TRIR: variants seen among roughly 807,000 people sequenced by gnomAD.
TRIR encodes the protein telomerase RNA component interacting RNase, also known as telomerase RNA component-interacting RNase.
Under a neutral mutation model 18.2 loss-of-function variants are expected in TRIR, and 5 were observed. The ratio of observed to expected loss-of-function variants is 0.27; its 90% confidence interval spans 0.14 to 0.58. The LOEUF (loss-of-function observed/expected upper bound fraction) is 0.58. Among genes scored for constraint, TRIR ranks in the 20% least tolerant of loss-of-function variants. The pLI is 0.91. For synonymous variants in TRIR, 134 were observed against 114.4 expected (o/e 1.17, Z -1.10); for missense variants, 206 against 252.8 (o/e 0.81, Z 1.25).
chr19:12,731,088 G>T lies in TRIR; in HGVS notation c.424-20C>A. 6.3e-7 allele frequency: 1 copy of T among 1,599,344 alleles called. No individual in the cohort carries two copies. Among genetic ancestry groups the T allele is most frequent in the Non-Finnish European group, 8.6e-7 (1 of 1,166,942 alleles). ...TAATACCTGTGGAAAGGGGATACGG[G>T]TTAGGACGGGGGTGCCAGGAACCAG... On this transcript the variant is annotated intron_variant, in intron 2 of 2. Transcript: ENST00000242784. This position sits in a 1 kb window ranked among gnomAD's most constrained non-coding sequence, Gnocchi z 5.1.
Position 12,734,203 on chromosome 19 carries a change from C to G in TRIR, c.345+110G>C. ...CCCTCAGCGGGTGACCCGGACGGGC[C>G]CCTCATTCAGAACGGAAAGTGGACT... is the stretch of plus-strand genomic sequence containing the variant. On this transcript the variant is annotated intron_variant, in intron 1 of 2. Transcript: ENST00000242784. This position sits in a 1 kb window ranked among gnomAD's most constrained non-coding sequence, Gnocchi z 4.1. The G allele has an allele frequency of 9.0e-7, 1 of 1,113,788 alleles. No homozygotes were observed. Among genetic ancestry groups the G allele is most frequent in the Non-Finnish European group, 1.2e-6 (1 of 835,362 alleles). 69.0% of individuals were successfully genotyped at this position (1,113,788 alleles called of 1,614,324 possible).
chr19:12,731,666 T>C lies in TRIR; in HGVS notation c.346-245A>G. On this transcript the variant is annotated intron_variant, in intron 1 of 2. Transcript: ENST00000242784. The surrounding 1 kb of genome is among the most constrained non-coding windows in gnomAD (Gnocchi z 5.1). ...CCACCTCAGTAGGGACCAGCTCTGT[T>C]CTCACTTTCCACGCCAAGGCCTCAC... The C allele has an allele frequency of 5.6e-6, 3 of 538,456 alleles. No individual in the cohort carries two copies. The highest frequency in any genetic ancestry group is 3.6e-5 in the Admixed American group (1 of 27,918). 33.4% of individuals were successfully genotyped at this position (538,456 alleles called of 1,614,324 possible). A position where few individuals can be genotyped will look rare whatever the true frequency, so the allele number is the denominator to read the frequency against.
In TRIR at chr19:12,731,105, A is replaced by C; in HGVS notation, c.424-37T>G. On this transcript the variant is annotated intron_variant, in intron 2 of 2. Coordinates refer to ENST00000242784, the MANE Select transcript of TRIR (RefSeq NM_024038.4). This position sits in a 1 kb window ranked among gnomAD's most constrained non-coding sequence, Gnocchi z 5.1. Reference sequence around the variant, plus strand: ...GGATACGGGTTAGGACGGGGGTGCCAGGAACCAGGGTCAGGACTGCCCTGA... The same window carrying C: ...GGATACGGGTTAGGACGGGGGTGCCCGGAACCAGGGTCAGGACTGCCCTGA... 1.3e-6 allele frequency: 2 copies of C among 1,563,244 alleles called. No homozygotes were observed. Among genetic ancestry groups the C allele is most frequent in the Admixed American group, 1.7e-5 (1 of 59,946 alleles).
At position 12,734,333 on chromosome 19, in the gene TRIR, G is replaced by A; in HGVS notation, c.325C>T (p.Pro109Ser). 1 of 1,439,388 alleles carries A rather than the reference G, an allele frequency of 6.9e-7. No homozygotes were observed. The highest frequency in any genetic ancestry group is 9.1e-7 in the Non-Finnish European group (1 of 1,095,606). The allele number at this position is 1,439,388 out of a possible 1,614,324, so 89.2% of individuals were successfully genotyped here. ...GPGDPKRKGGPGSTLSFVGKR... is the reference protein window; with the variant it reads ...GPGDPKRKGGSGSTLSFVGKR... ...CTTACGAAGCTAAGTGTGGAGCCCG[G>A]ACCGCCCTTCCTCTTCGGATCCCCG... is the stretch of plus-strand genomic sequence containing the variant. The change falls in exon 1 of 3, where the codon CCG becomes TCG. Residue 109 changes from proline to serine, a missense_variant. By Grantham distance (74) the Pro-to-Ser change is moderately conservative (BLOSUM62 -1). Around this residue, in one of 2 missense-constraint regions of TRIR, gnomAD observed 172 missense variants for 165.0 expected, o/e 1.04. Transcript: ENST00000242784. This position sits in a 1 kb window ranked among gnomAD's most constrained non-coding sequence, Gnocchi z 4.1.
chr19:12,731,090 TAGGACGGGGGTGCCAGGAACCAGGGTC>T lies in TRIR; in HGVS notation c.424-49_424-23del. On this transcript the variant is annotated intron_variant, in intron 2 of 2. Transcript: ENST00000242784. The surrounding 1 kb of genome is among the most constrained non-coding windows in gnomAD (Gnocchi z 5.1). ...ATACCTGTGGAAAGGGGATACGGGT[TAGGACGGGGGTGCCAGGAACCAGGGTC>T]AGGACTGCCCTGAGACAGGTGACCC... The T allele has an allele frequency of 6.3e-7, 1 of 1,598,152 alleles. No homozygotes were observed. The highest frequency in any genetic ancestry group is 8.6e-7 in the Non-Finnish European group (1 of 1,165,912).
chr19:12,733,842 G>A (rs957814577), intron 1 of TRIR, among the ~76,000 whole-genome samples: 2 of 152,188 alleles, frequency 1.3e-5, no homozygotes, highest in African/African-American at 4.8e-5. Context: ...CTAGCACGAG[G>A]TAAATTGCTC....
Position 12,730,838 on chromosome 19 carries a change from G to A in TRIR, c.*123C>T. ...CCTGGAGAATCGTCCACGGCTGCGGGAAGCATCTCGGTTTCCTTCTGCTTT... is the reference window on the plus strand; with the variant it reads ...CCTGGAGAATCGTCCACGGCTGCGGAAAGCATCTCGGTTTCCTTCTGCTTT... On this transcript the variant is annotated 3_prime_UTR_variant, in exon 3 of 3. Transcript: ENST00000242784. 1.2e-6 allele frequency: 1 copy of A among 861,416 alleles called. No individual in the cohort carries two copies. The highest frequency in any genetic ancestry group is 1.9e-6 in the Non-Finnish European group (1 of 530,864). 53.4% of individuals were successfully genotyped at this position (861,416 alleles called of 1,614,324 possible).
chr19:12,730,797 A>G lies in TRIR; in HGVS notation c.*164T>C. 1 of 644,810 alleles carries G rather than the reference A, an allele frequency of 1.6e-6. No individual in the cohort carries two copies. Among genetic ancestry groups the G allele is most frequent in the Non-Finnish European group, 2.7e-6 (1 of 366,556 alleles). 39.9% of individuals were successfully genotyped at this position (644,810 alleles called of 1,614,324 possible). A position where few individuals can be genotyped will look rare whatever the true frequency, so the allele number is the denominator to read the frequency against. On this transcript the variant is annotated 3_prime_UTR_variant, in exon 3 of 3. Coordinates refer to ENST00000242784, the MANE Select transcript of TRIR (RefSeq NM_024038.4). ...ATGAAGTCTCACGAGGCAAGTGCTC[A>G]AGGTAAAAAAAGAGTCCTGGAGAAT...
Position 12,734,626 on chromosome 19 carries a change from T to G in TRIR, c.32A>C (p.Gln11Pro). 11 of 1,513,998 alleles carry G rather than the reference T, an allele frequency of 7.3e-6. No individual in the cohort carries two copies. Among genetic ancestry groups the G allele is most frequent in the Non-Finnish European group, 9.7e-6 (11 of 1,137,954 alleles). 93.8% of individuals were successfully genotyped at this position (1,513,998 alleles called of 1,614,324 possible). The change falls in exon 1 of 3, where the codon CAG becomes CCG. Residue 11 changes from glutamine (Q) to proline (P), a missense_variant. Coordinates refer to ENST00000242784, the MANE Select transcript of TRIR (RefSeq NM_024038.4). This position sits in a 1 kb window ranked among gnomAD's most constrained non-coding sequence, Gnocchi z 4.1. MAARGRRAEP[Q>P]GREAPGPAGG... ...CGCGGGGCCCGGAGCCTCCCGGCCC[T>G]GAGGCTCCGCCCGTCTCCCTCGGGC... is the stretch of plus-strand genomic sequence containing the variant.
chr19:12,734,421 C>T lies in TRIR; in HGVS notation c.237G>A (p.Gln79=). Residue 79 remains glutamine, a synonymous_variant, in exon 1 of 3, where the codon CAG becomes CAA. Transcript: ENST00000242784. This position sits in a 1 kb window ranked among gnomAD's most constrained non-coding sequence, Gnocchi z 4.1. Reference sequence around the variant, plus strand: ...GACCCGGGGGCGGCTCCTCCTGCCGCTGCCGCTGCTCCTCCTCCATCTTCC... The same window carrying T: ...GACCCGGGGGCGGCTCCTCCTGCCGTTGCCGCTGCTCCTCCTCCATCTTCC... ...FKRKMEEEQR[Q]RQEEPPPGPQ... 8 of 1,522,570 alleles carry T rather than the reference C, an allele frequency of 5.3e-6. No homozygotes were observed. The highest frequency in any genetic ancestry group is 7.0e-6 in the Non-Finnish European group (8 of 1,135,946). The allele number at this position is 1,522,570 out of a possible 1,614,324, so 94.3% of individuals were successfully genotyped here.
chr19:12,731,251 G>C lies in TRIR; in HGVS notation c.423+93C>G. 2 of 1,478,036 alleles carry C rather than the reference G, an allele frequency of 1.4e-6. No individual in the cohort carries two copies. The highest frequency in any genetic ancestry group is 1.9e-6 in the Non-Finnish European group (2 of 1,060,420). 91.6% of individuals were successfully genotyped at this position (1,478,036 alleles called of 1,614,324 possible). On this transcript the variant is annotated intron_variant, in intron 2 of 2. Coordinates refer to ENST00000242784, the MANE Select transcript of TRIR (RefSeq NM_024038.4). This position sits in a 1 kb window ranked among gnomAD's most constrained non-coding sequence, Gnocchi z 5.1. ...TACCCTGCCAGGCACACTCATAAAA[G>C]GCCTGGATACCAGACAGGGAGGGAG...
At chr19:12,732,110 A>G (rs1967440161) in intron 1 of TRIR, among the ~76,000 whole-genome samples, 1 of 141,808 alleles carries the variant, frequency 7.1e-6, no homozygotes, top group East Asian at 2.1e-4. Flanking sequence ...GGCAACAAGA[A>G]GTAGACTCTG....
At position 12,734,472 on chromosome 19, in the gene TRIR, G is replaced by T; in HGVS notation, c.186C>A (p.Asp62Glu). The change falls in exon 1 of 3, where the codon GAC (aspartate) becomes GAA (glutamate). Residue 62 changes from aspartate (D) to glutamate (E), a missense_variant. By Grantham distance (45) the Asp-to-Glu change is conservative (BLOSUM62 2). Transcript: ENST00000242784. This position sits in a 1 kb window ranked among gnomAD's most constrained non-coding sequence, Gnocchi z 4.1. The stretch of plus-strand genomic sequence containing the variant: ...GCTTGAACAGCTCCAGGAAGCTGCC[G>T]TCGTTGGCGAACAAGTTCACGCCGC... ...VSGGVNLFAN[D>E]GSFLELFKRK... 6.5e-7 allele frequency: 1 copy of T among 1,534,912 alleles called. No individual in the cohort carries two copies.
In TRIR at chr19:12,734,613, A is replaced by T; in HGVS notation, c.45T>A (p.Ala15=). 1.3e-6 allele frequency: 2 copies of T among 1,517,470 alleles called. No individual in the cohort carries two copies. Among genetic ancestry groups the T allele is most frequent in the Non-Finnish European group, 8.8e-7 (1 of 1,139,154 alleles). The allele number at this position is 1,517,470 out of a possible 1,614,324, so 94.0% of individuals were successfully genotyped here. A position where few individuals can be genotyped will look rare whatever the true frequency, so the allele number is the denominator to read the frequency against. Residue 15 remains alanine, a synonymous_variant, in exon 1 of 3, where the codon GCT becomes GCA. Coordinates refer to ENST00000242784, the MANE Select transcript of TRIR (RefSeq NM_024038.4). This position sits in a 1 kb window ranked among gnomAD's most constrained non-coding sequence, Gnocchi z 4.1. ...CACCGCCACCGCCCGCGGGGCCCGG[A>T]GCCTCCCGGCCCTGAGGCTCCGCCC... ...GRRAEPQGRE[A]PGPAGGGGGG... is the part of the protein sequence containing the mutation.
At position 12,731,199 on chromosome 19, in the gene TRIR, T is replaced by A; in HGVS notation, c.424-131A>T. 1 of 1,262,322 alleles carries A rather than the reference T, an allele frequency of 7.9e-7. No individual in the cohort carries two copies. The highest frequency in any genetic ancestry group is 1.2e-6 in the Non-Finnish European group (1 of 867,910). The allele number at this position is 1,262,322 out of a possible 1,614,324, so 78.2% of individuals were successfully genotyped here. On this transcript the variant is annotated intron_variant, in intron 2 of 2. Transcript: ENST00000242784. This position sits in a 1 kb window ranked among gnomAD's most constrained non-coding sequence, Gnocchi z 5.1. The stretch of plus-strand genomic sequence containing the variant: ...TGAGCTGAAGATTATAAAGTCAAGT[T>A]ATCTGGGGACCCATTGACAGCCCTC...
At chr19:12,732,946 C>T (rs991763896) in intron 1 of TRIR, among the ~76,000 whole-genome samples, 1 of 152,028 alleles carries the variant, frequency 6.6e-6, no homozygotes, top group Non-Finnish European at 1.5e-5. Context: ...TTCTGTCATC[C>T]AGGCTAGAGC....
At position 12,734,613 on chromosome 19, in the gene TRIR, A is replaced by C. The variant is rs1343731928; in HGVS notation, c.45T>G (p.Ala15=). 6.6e-7 allele frequency: 1 copy of C among 1,517,470 alleles called. No individual in the cohort carries two copies. The highest frequency in any genetic ancestry group is 8.8e-7 in the Non-Finnish European group (1 of 1,139,154). 94.0% of individuals were successfully genotyped at this position (1,517,470 alleles called of 1,614,324 possible). A position where few individuals can be genotyped will look rare whatever the true frequency, so the allele number is the denominator to read the frequency against. The part of the protein sequence containing the change: ...GRRAEPQGRE[A]PGPAGGGGGG... The stretch of plus-strand genomic sequence containing the variant: ...CACCGCCACCGCCCGCGGGGCCCGG[A>C]GCCTCCCGGCCCTGAGGCTCCGCCC... The change falls in exon 1 of 3, where the codon GCT becomes GCG. Residue 15 remains alanine, a synonymous_variant. Coordinates refer to ENST00000242784, the MANE Select transcript of TRIR (RefSeq NM_024038.4). The surrounding 1 kb of genome is among the most constrained non-coding windows in gnomAD (Gnocchi z 4.1).
At position 12,734,401 on chromosome 19, in the gene TRIR, G is replaced by T; in HGVS notation, c.257C>A (p.Pro86Gln). The T allele has an allele frequency of 6.6e-7, 1 of 1,513,648 alleles. No individual in the cohort carries two copies. The allele number at this position is 1,513,648 out of a possible 1,614,324, so 93.8% of individuals were successfully genotyped here. The change falls in exon 1 of 3, where the codon CCG (proline) becomes CAG (glutamine). Residue 86 changes from proline (P) to glutamine (Q), a missense_variant. Pro to Gln is a moderately conservative substitution (Grantham distance 76, BLOSUM62 -1). This residue lies in a region of TRIR where 172 missense variants were observed against 165.0 expected (regional missense o/e 1.04). Transcript: ENST00000242784. The surrounding 1 kb of genome is among the most constrained non-coding windows in gnomAD (Gnocchi z 4.1). The part of the protein sequence containing the change: ...EQRQRQEEPP[P>Q]GPQRPDQSAA... Reference sequence around the variant, plus strand: ...CGACTGGTCGGGTCGCTGCGGACCCGGGGGCGGCTCCTCCTGCCGCTGCCG... The same window carrying T: ...CGACTGGTCGGGTCGCTGCGGACCCTGGGGCGGCTCCTCCTGCCGCTGCCG...
Position 12,734,238 on chromosome 19 carries a change from A to G in TRIR, c.345+75T>C, listed in dbSNP as rs1397286276. 15 of 1,313,856 alleles carry G rather than the reference A, an allele frequency of 1.1e-5. No homozygotes were observed. In the Admixed American group the frequency reaches 5.7e-4, roughly 50 times the overall value. The allele number at this position is 1,313,856 out of a possible 1,614,324, so 81.4% of individuals were successfully genotyped here. A position where few individuals can be genotyped will look rare whatever the true frequency, so the allele number is the denominator to read the frequency against. ...GAACGGAAAGTGGACTTCGGTCCCGATCCCCCTTCACGGGCCCCGACTCCC... is the reference window on the plus strand; with the variant it reads ...GAACGGAAAGTGGACTTCGGTCCCGGTCCCCCTTCACGGGCCCCGACTCCC... On this transcript the variant is annotated intron_variant, in intron 1 of 2. Transcript: ENST00000242784. The surrounding 1 kb of genome is among the most constrained non-coding windows in gnomAD (Gnocchi z 4.1).
Sources: allele counts gnomAD v4.1 joint callset (sites outside exome capture counted in the v4.1 genomes callset), GRCh38; gene constraint gnomAD v4.1.1; regional missense constraint gnomAD v4.1.1; non-coding constraint Gnocchi (gnomAD v3.1); transcripts MANE v1.5; gene names NCBI Gene and HGNC (gene_info 2026-07-23, HGNC 2026-07-21).